DACH2: variants seen among roughly 807,000 people sequenced by gnomAD.
The protein encoded by DACH2 is dachshund family transcription factor 2, also known as dachshund homolog 2.
Under a neutral mutation model 35.8 loss-of-function variants are expected in DACH2, and 17 were observed. That is an observed-to-expected ratio of 0.48 (90% CI 0.33 to 0.71). DACH2 has a LOEUF of 0.71. Among genes scored for constraint, DACH2 ranks in the 30% least tolerant of loss-of-function variants. The pLI is 0.02. For missense variants in DACH2, 469 were observed against 472.7 expected (o/e 0.99, Z 0.07); for synonymous variants, 195 against 177.3 (o/e 1.10, Z -0.79).
intron 11 of DACH2, among the ~76,000 whole-genome samples, chrX:86,818,378 A>G (rs979555827): frequency 1.8e-5 from 2 of 111,503 alleles, no homozygotes; most frequent in Admixed American, 1.9e-4. Context: ...TTACCAAATC[A>G]GTCAGGTCAA....
chrX:86,414,463 T>C (rs1699889853), intron 2 of DACH2, among the ~76,000 whole-genome samples: 1 of 111,569 alleles, frequency 9.0e-6, no homozygotes, highest in South Asian at 3.7e-4. Context: ...TCCCATTGTA[T>C]TTAAATTTTG....
At chrX:86,602,617 C>A (rs2039803494) in intron 3 of DACH2, among the ~76,000 whole-genome samples, 1 of 111,920 alleles carries the variant, frequency 8.9e-6, no homozygotes, top group African/African-American at 3.2e-5. Flanking sequence ...CCAGAGGTAT[C>A]TTTATATGTG....
At chrX:86,211,245 T>C (rs1486633584) in intron 1 of DACH2, among the ~76,000 whole-genome samples, 1 of 112,012 alleles carries the variant, frequency 8.9e-6, no homozygotes, top group Non-Finnish European at 1.9e-5. Flanking sequence ...TACGTTCTTG[T>C]TCTTGCTCAC....
At chrX:86,417,502 C>A (rs1336544557) in intron 2 of DACH2, among the ~76,000 whole-genome samples, 2 of 106,199 alleles carry the variant, frequency 1.9e-5, no homozygotes, top group Non-Finnish European at 3.8e-5. Flanking sequence ...TGGCAGCAGG[C>A]AAGAGAGAGA....
chrX:86,375,606 C>T (rs778863885), intron 1 of DACH2, among the ~76,000 whole-genome samples: 83 of 106,890 alleles, frequency 7.8e-4, no homozygotes, highest in African/African-American at 2.7e-3. Flanking sequence ...AGTGTCACCT[C>T]AGAAGAGGTT....
intron 2 of DACH2, among the ~76,000 whole-genome samples, chrX:86,500,826 G>A (rs2038239379): frequency 8.9e-6 from 1 of 111,928 alleles, no homozygotes; most frequent in Non-Finnish European, 1.9e-5. Context: ...TTGTTAGATA[G>A]CCTCAACTCA....
chrX:86,613,542 A>G (rs1026354454), intron 3 of DACH2, among the ~76,000 whole-genome samples: 2 of 112,003 alleles, frequency 1.8e-5, no homozygotes, highest in Non-Finnish European at 3.8e-5. Flanking sequence ...TGACTTCCCA[A>G]TGGTGTATAC....
chrX:86,831,605 G>A (rs1194327760), intron 11 of DACH2: 1 of 110,562 alleles, frequency 9.0e-6, no homozygotes, highest in South Asian at 3.8e-4. Context: ...GAGGGATACC[G>A]GTTTGACTAA....
At chrX:86,389,072 C>T (rs2036163531) in intron 2 of DACH2, among the ~76,000 whole-genome samples, 2 of 111,586 alleles carry the variant, frequency 1.8e-5, no homozygotes, top group Admixed American at 1.9e-4. Flanking sequence ...TCCCTGACCC[C>T]ACACCTGAAA....
At chrX:86,429,936 A>G (rs2036959751) in intron 2 of DACH2, among the ~76,000 whole-genome samples, 1 of 112,258 alleles carries the variant, frequency 8.9e-6, no homozygotes, top group Non-Finnish European at 1.9e-5. Context: ...TAAATCATAC[A>G]AAGTGAAATA....
chrX:86,432,155 A>C (rs1211540281), intron 2 of DACH2, among the ~76,000 whole-genome samples: 4 of 112,237 alleles, frequency 3.6e-5, no homozygotes, highest in African/African-American at 1.3e-4. Context: ...TAAATCTACA[A>C]AGTCCCCAAA....
intron 3 of DACH2, among the ~76,000 whole-genome samples, chrX:86,515,690 C>G (rs1038547498): frequency 1.3e-4 from 15 of 112,426 alleles, no homozygotes; most frequent in Admixed American, 3.8e-4. Flanking sequence ...CTTACATGCT[C>G]CACACTTCTG....
At chrX:86,511,584 A>G (rs907426296) in intron 2 of DACH2, among the ~76,000 whole-genome samples, 2 of 111,745 alleles carry the variant, frequency 1.8e-5, no homozygotes, top group East Asian at 2.8e-4. Flanking sequence ...ACAATATATC[A>G]ATGAAAAAAT....
At chrX:86,472,779 A>C (rs1398145742) in intron 2 of DACH2, among the ~76,000 whole-genome samples, 2 of 111,914 alleles carry the variant, frequency 1.8e-5, no homozygotes, top group African/African-American at 6.5e-5. Flanking sequence ...TTATAAGTGG[A>C]GGATTTGAAG....
At chrX:86,393,874 A>G (rs756606132) in intron 2 of DACH2, among the ~76,000 whole-genome samples, 43 of 110,891 alleles carry the variant, frequency 3.9e-4, no homozygotes, top group Non-Finnish European at 6.4e-4. Flanking sequence ...GAGTTAACAC[A>G]TATAAAACAC....
intron 1 of DACH2, among the ~76,000 whole-genome samples, chrX:86,279,423 G>A (rs2033981689): frequency 8.9e-6 from 1 of 112,007 alleles, no homozygotes; most frequent in South Asian, 3.7e-4. Flanking sequence ...ACCTCCAGCA[G>A]ACCTGCAGCA....
At chrX:86,720,743 T>C (rs181002102) in intron 6 of DACH2, among the ~76,000 whole-genome samples, 25 of 112,536 alleles carry the variant, frequency 2.2e-4, no homozygotes, top group Admixed American at 3.7e-4. Flanking sequence ...CTCTAGGCAG[T>C]GCCCCAGTGG....
intron 1 of DACH2, among the ~76,000 whole-genome samples, chrX:86,208,827 T>C (rs192337948): frequency 8.9e-6 from 1 of 111,738 alleles, no homozygotes; most frequent in African/African-American, 3.2e-5. Context: ...AGTTCAAAAA[T>C]GGTATTGTTC....
At chrX:86,326,526 TA>T (rs2035119329) in intron 1 of DACH2, among the ~76,000 whole-genome samples, 2 of 109,484 alleles carry the variant, frequency 1.8e-5, no homozygotes, top group African/African-American at 3.3e-5. Flanking sequence ...TATATATATA[TA>T]TATAATTTTT....
Sources: gnomAD v4.1 joint callset for allele counts (sites outside exome capture counted in the v4.1 genomes callset) on GRCh38, gnomAD v4.1.1 for gene constraint, MANE v1.5 for transcripts, NCBI Gene and HGNC (gene_info 2026-07-23, HGNC 2026-07-21) for gene names.